ENPP1: variants seen among roughly 807,000 people sequenced by gnomAD.
ENPP1 encodes ectonucleotide pyrophosphatase/phosphodiesterase 1.
In ENPP1, 73 loss-of-function variants were observed where a neutral mutation model predicts 122.8. That is an observed-to-expected ratio of 0.59 (90% confidence interval 0.49 to 0.72). ENPP1 has a LOEUF of 0.72. ENPP1 is among the 30% of genes least tolerant of loss of function. The probability of loss-of-function intolerance (pLI) is 0.00; values close to 1 mark genes in which losing one functional copy is unlikely to be tolerated. For missense variants in ENPP1, 978 were observed against 1,128.1 expected, an observed-to-expected ratio of 0.87 and a Z score of 1.91; for synonymous variants, 367 against 391.6, an observed-to-expected ratio of 0.94 and a Z score of 0.74.
intron 11 of ENPP1, among the ~76,000 whole-genome samples, chr6:131,867,033 T>G (rs937689082): frequency 6.6e-6 from 1 of 152,234 alleles, no homozygotes; most frequent in African/African-American, 2.4e-5. Flanking sequence ...GCACTTGCTT[T>G]TCTGAGTCAT....
At chr6:131,814,713 T>C (rs1781394698) in intron 1 of ENPP1, among the ~76,000 whole-genome samples, 1 of 152,188 alleles carries the variant, frequency 6.6e-6, no homozygotes, top group African/African-American at 2.4e-5. Flanking sequence ...TAAAATTTGT[T>C]ATCTGTCCAG....
Position 131,808,146 on chromosome 6 carries a change from C to T in ENPP1, c.111C>T (p.Ala37=). 7.0e-7 allele frequency: 1 copy of T among 1,437,432 alleles called. No homozygotes were observed. Among genetic ancestry groups the T allele is most frequent in the Non-Finnish European group, 9.2e-7 (1 of 1,089,334 alleles). 89.0% of individuals were successfully genotyped at this position (1,437,432 alleles called of 1,614,324 possible). A position where few individuals can be genotyped will look rare whatever the true frequency, so the allele number is the denominator to read the frequency against. ...NGRDRGRSHA[A]EAPGDPQAAA... ...GCGATCGGGGCCGCAGCCACGCTGC[C>T]GAGGCGCCCGGGGACCCGCAGGCGG... Residue 37 remains alanine, a synonymous_variant, in exon 1 of 25, where the codon GCC becomes GCT. Coordinates refer to ENST00000647893, the MANE Select transcript of ENPP1 (RefSeq NM_006208.3).
intron 1 of ENPP1, among the ~76,000 whole-genome samples, chr6:131,833,350 G>A (rs1470043460): frequency 6.6e-6 from 1 of 151,882 alleles, no homozygotes; most frequent in Non-Finnish European, 1.5e-5. Context: ...TCTTTAAATA[G>A]TTGGTTTATT....
intron 1 of ENPP1, among the ~76,000 whole-genome samples, chr6:131,836,667 G>A (rs887683945): frequency 3.3e-5 from 5 of 152,074 alleles, no homozygotes; most frequent in East Asian, 3.9e-4. Flanking sequence ...GATGGCATAC[G>A]TCCAGCAATT....
At chr6:131,831,234 T>C (rs1480255438) in intron 1 of ENPP1, among the ~76,000 whole-genome samples, 1 of 152,190 alleles carries the variant, frequency 6.6e-6, no homozygotes, top group African/African-American at 2.4e-5. Context: ...CTTTTTTCTT[T>C]TTCCTTTCAA....
At chr6:131,841,102 A>G (rs148938418) in intron 1 of ENPP1, among the ~76,000 whole-genome samples, 56 of 152,350 alleles carry the variant, frequency 3.7e-4, no homozygotes, top group Non-Finnish European at 6.2e-4. Context: ...TGCATGAACA[A>G]CTGCTTGAGT....
intron 6 of ENPP1, among the ~76,000 whole-genome samples, chr6:131,858,324 C>G (rs62424479): frequency 0.024 from 3,625 of 152,274 alleles, 57 homozygotes; most frequent in Non-Finnish European, 0.029. Context: ...GTTCAGTTTT[C>G]TTATTCTACC....
chr6:131,836,415 A>AGTGTGT (rs71809355), intron 1 of ENPP1, among the ~76,000 whole-genome samples: 14,704 of 150,580 alleles, frequency 0.098, 1,612 homozygotes, highest in African/African-American at 0.27. Context: ...CACCCAGCCG[A>AGTGTGT]GTGTGTGTGT....
At chr6:131,828,399 G>A (rs1461920069) in intron 1 of ENPP1, 12 of 363,578 alleles carry the variant, frequency 3.3e-5, no homozygotes, top group Non-Finnish European at 5.9e-5. Flanking sequence ...ATTTTAGCTC[G>A]GTTAGTGTAA....
chr6:131,868,777 G>A (rs948964321), intron 12 of ENPP1, among the ~76,000 whole-genome samples: 2 of 152,182 alleles, frequency 1.3e-5, no homozygotes, highest in Admixed American at 1.3e-4. Flanking sequence ...GACTTTAGAA[G>A]CATGATATAT....
At chr6:131,864,997 C>T in intron 11 of ENPP1, 59 bp downstream of exon 11, 2 of 1,061,938 alleles carry the variant, frequency 1.9e-6, no homozygotes, top group Non-Finnish European at 3.0e-6. Flanking sequence ...CTGAACCTCG[C>T]TTTGAAGGAG....
At chr6:131,886,024 A>C (rs1782372939) in intron 23 of ENPP1, among the ~76,000 whole-genome samples, 1 of 152,226 alleles carries the variant, frequency 6.6e-6, no homozygotes, top group Non-Finnish European at 1.5e-5. Context: ...TAGGAGAATG[A>C]CTATGAGGTA....
chr6:131,827,898 C>T lies in ENPP1; in HGVS notation c.240+19623C>T, dbSNP rs1339683674. 2.9e-6 allele frequency: 4 copies of T among 1,378,526 alleles called. No individual in the cohort carries two copies. In the African/African-American group the frequency reaches 5.7e-5, roughly 20 times the overall value. 85.4% of individuals were successfully genotyped at this position (1,378,526 alleles called of 1,614,324 possible). A position where few individuals can be genotyped will look rare whatever the true frequency, so the allele number is the denominator to read the frequency against. ...TCAGAGGCCTCACTGACTGCTCGGC[C>T]ACTGTTTCTGACAGGGTGCAGGTGG... On this transcript the variant is annotated intron_variant, in intron 1 of 24. Coordinates refer to ENST00000647893, the MANE Select transcript of ENPP1 (RefSeq NM_006208.3).
chr6:131,845,304 T>C (rs1298566850), intron 1 of ENPP1, among the ~76,000 whole-genome samples: 7 of 151,872 alleles, frequency 4.6e-5, no homozygotes, highest in Admixed American at 4.6e-4. Flanking sequence ...GTGCTGGGAT[T>C]ATAGGCATGA....
At chr6:131,808,959 A>G (rs1781315945) in intron 1 of ENPP1, among the ~76,000 whole-genome samples, 1 of 152,194 alleles carries the variant, frequency 6.6e-6, no homozygotes, top group Non-Finnish European at 1.5e-5. Flanking sequence ...AGTCAACTTC[A>G]TGAAATGTGG....
At chr6:131,859,380 C>T (rs1280742357) in intron 7 of ENPP1, among the ~76,000 whole-genome samples, 7 of 150,604 alleles carry the variant, frequency 4.6e-5, no homozygotes, top group Non-Finnish European at 7.4e-5. Context: ...ATTTCAGAGG[C>T]TACCTTTTTT....
intron 1 of ENPP1, among the ~76,000 whole-genome samples, chr6:131,813,492 T>C (rs192748889): frequency 3.6e-4 from 55 of 151,180 alleles, no homozygotes; most frequent in African/African-American, 1.3e-3. Flanking sequence ...ATTGCACCAT[T>C]ACACTCCAGC....
chr6:131,855,914 T>C (rs375432162), intron 6 of ENPP1, among the ~76,000 whole-genome samples: 7 of 152,106 alleles, frequency 4.6e-5, no homozygotes, highest in East Asian at 3.9e-4. Context: ...TGGACTAAAA[T>C]AGATGTAAGT....
Position 131,894,431 on chromosome 6 carries a change from G to A in ENPP1, c.*3920G>A, listed in dbSNP as rs111741864. 235 of 152,242 alleles carry A rather than the reference G, an allele frequency of 1.5e-3. No homozygotes were observed. The highest frequency in any genetic ancestry group is 5.4e-3 in the African/African-American group (223 of 41,462). The allele number at this position is 152,242 out of a possible 1,614,324, so 9.4% of individuals were successfully genotyped here. Reference sequence around the variant, plus strand: ...CTCCTGAGTAGCTGGGATTATAGGCGCATGCCACACCTGGCTTTTTGTATT... The same window carrying A: ...CTCCTGAGTAGCTGGGATTATAGGCACATGCCACACCTGGCTTTTTGTATT... On this transcript the variant is annotated 3_prime_UTR_variant, in exon 25 of 25. Transcript: ENST00000647893.
Sources: allele counts gnomAD v4.1 joint callset (sites outside exome capture counted in the v4.1 genomes callset), GRCh38; gene constraint gnomAD v4.1.1; transcripts MANE v1.5; gene names NCBI Gene and HGNC (gene_info 2026-07-23, HGNC 2026-07-21).